Variants in RGS12 observed in about 807,000 individuals in gnomAD.
The protein encoded by RGS12 is regulator of G protein signaling 12, also known as regulator of G-protein signaling 12.
RGS12 carries 66 observed loss-of-function variants against 120.1 expected under a neutral mutation model. That is an observed-to-expected ratio of 0.55 (90% confidence interval 0.45 to 0.67). The LOEUF is 0.67. Among genes scored for constraint, RGS12 ranks in the 30% least tolerant of loss-of-function variants. The pLI is 0.00. For synonymous variants in RGS12, 827 were observed against 804.7 expected, an observed-to-expected ratio of 1.03 and a Z score of -0.47; for missense variants, 1,859 against 1,957.7, an observed-to-expected ratio of 0.95 and a Z score of 0.95.
chr4:3,421,094 C>T (rs1415741786), intron 10 of RGS12, among the ~76,000 whole-genome samples: 5 of 152,186 alleles, frequency 3.3e-5, no homozygotes, highest in East Asian at 1.9e-4. Context: ...TGTCTCAGCG[C>T]GTGAGCATCC....
chr4:3,391,029 G>T (rs1719438539), intron 4 of RGS12, among the ~76,000 whole-genome samples: 1 of 152,220 alleles, frequency 6.6e-6, no homozygotes, highest in African/African-American at 2.4e-5. Flanking sequence ...GAAAAACAGT[G>T]CAGCCTAATT....
In RGS12 at chr4:3,343,065, T is replaced by C. The variant is rs1443213754; in HGVS notation, c.1998+12T>C. 1 of 1,569,302 alleles carries C rather than the reference T, an allele frequency of 6.4e-7. No homozygotes were observed. The highest frequency in any genetic ancestry group is 1.7e-4 in the Middle Eastern group (1 of 5,890). ...TTGATGATCTTGAGGTAATTTAATT[T>C]TCATTTTTCTTCTTTTCTCCTTCAA... On this transcript the variant is annotated intron_variant, in intron 3 of 17. Coordinates refer to ENST00000336727, the MANE Select transcript of RGS12 (RefSeq NM_001394154.1).
chr4:3,351,762 C>T (rs1299108037), intron 3 of RGS12, among the ~76,000 whole-genome samples: 1 of 152,128 alleles, frequency 6.6e-6, no homozygotes, highest in Non-Finnish European at 1.5e-5. Context: ...CGAGAACGGA[C>T]CACAGTATAG....
chr4:3,423,046 G>A (rs771385764), intron 12 of RGS12, 68 bp downstream of exon 12: 10 of 1,329,804 alleles, frequency 7.5e-6, no homozygotes, highest in Non-Finnish European at 1.1e-5. Context: ...ACCACCTGCT[G>A]GTCTCTGCGC....
At chr4:3,344,739 C>T (rs1347590239) in intron 3 of RGS12, among the ~76,000 whole-genome samples, 1 of 152,228 alleles carries the variant, frequency 6.6e-6, no homozygotes, top group Non-Finnish European at 1.5e-5. Flanking sequence ...TCCACCAGGG[C>T]CCTGCTGCTT....
At chr4:3,346,990 AT>A (rs138348703) in intron 3 of RGS12, among the ~76,000 whole-genome samples, 85 of 148,232 alleles carry the variant, frequency 5.7e-4, no homozygotes, top group Admixed American at 7.4e-4. Context: ...GAGGGAACAG[AT>A]TTTTTTTTTT....
intron 3 of RGS12, among the ~76,000 whole-genome samples, chr4:3,359,843 G>A (rs1040757191): frequency 2.6e-5 from 4 of 151,948 alleles, no homozygotes; most frequent in East Asian, 1.9e-4. Flanking sequence ...GGCTGGTCTC[G>A]AACTCCTGAC....
At chr4:3,319,102 A>G (rs945925111) in intron 2 of RGS12, among the ~76,000 whole-genome samples, 5 of 152,024 alleles carry the variant, frequency 3.3e-5, no homozygotes, top group Admixed American at 6.5e-5. Flanking sequence ...AGTGTTTTCC[A>G]TGATGAAATG....
intron 2 of RGS12, among the ~76,000 whole-genome samples, chr4:3,336,440 C>A (rs1365875475): frequency 6.6e-6 from 1 of 152,266 alleles, no homozygotes; most frequent in African/African-American, 2.4e-5. Context: ...AAATCTGACT[C>A]CTCGTAAGTC....
At chr4:3,343,106 A>AG in intron 3 of RGS12, 53 bp downstream of exon 3, 1 of 1,357,648 alleles carries the variant, frequency 7.4e-7, no homozygotes, top group Non-Finnish European at 1.0e-6. Context: ...AAAAAATGCA[A>AG]GTCCACCTTG....
At chr4:3,328,068 A>G (rs570756936) in intron 2 of RGS12, among the ~76,000 whole-genome samples, 1 of 152,376 alleles carries the variant, frequency 6.6e-6, no homozygotes, top group South Asian at 2.1e-4. Context: ...CATCAAAAGA[A>G]TGAAATCTTG....
At chr4:3,386,131 T>C (rs1205136781) in intron 3 of RGS12, 2 of 473,602 alleles carry the variant, frequency 4.2e-6, no homozygotes, top group Non-Finnish European at 3.7e-6. Flanking sequence ...GAAGTTGGTT[T>C]CATTGACGCT....
chr4:3,428,893 A>G lies in RGS12; in HGVS notation c.3565+182A>G, dbSNP rs192712259. On this transcript the variant is annotated intron_variant, in intron 16 of 17. Transcript: ENST00000336727. Reference sequence around the variant, plus strand: ...GTTGGGATCACTCCACCGAAACCCCAGTTTTGAGACTGAGTGCCAGGCCTC... The same window carrying G: ...GTTGGGATCACTCCACCGAAACCCCGGTTTTGAGACTGAGTGCCAGGCCTC... Among the ~76,000 whole-genome samples the G allele has an allele frequency of 4.1e-3, 627 of 152,222 alleles. 3 individuals carry two copies. The highest frequency in any genetic ancestry group is 0.014 in the African/African-American group (589 of 41,518).
rs768871069 is a variant in RGS12 at position 3,430,659 on chromosome 4, C to T, written c.3818C>T (p.Thr1273Ile). 1 of 1,592,882 alleles carries T rather than the reference C, an allele frequency of 6.3e-7. No individual in the cohort carries two copies. The highest frequency in any genetic ancestry group is 8.6e-7 in the Non-Finnish European group (1 of 1,169,020). The change falls in exon 17 of 18, where the codon ACC becomes ATC. Residue 1273 changes from threonine (T) to isoleucine (I), a missense_variant. This residue lies in a region of RGS12 where 517 missense variants were observed against 488.5 expected (regional missense o/e 1.06). Transcript: ENST00000336727. ...PVQESSDSPS[T>I]SPGSASSPPG... ...CAGGAGAGCAGCGACAGCCCGTCCA[C>T]CAGCCCGGGCTCAGCCTCCAGCCCC...
At chr4:3,424,187 A>G (rs1723354588) in intron 13 of RGS12, among the ~76,000 whole-genome samples, 1 of 152,248 alleles carries the variant, frequency 6.6e-6, no homozygotes, top group Non-Finnish European at 1.5e-5. Flanking sequence ...GCCACGCGAG[A>G]TGGCGAGAGC....
intron 2 of RGS12, among the ~76,000 whole-genome samples, chr4:3,332,013 G>T (rs1003823369): frequency 6.6e-6 from 1 of 152,238 alleles, no homozygotes; most frequent in Non-Finnish European, 1.5e-5. Context: ...CTGTGGAGGG[G>T]CTGGGAAGCA....
intron 3 of RGS12, among the ~76,000 whole-genome samples, chr4:3,381,550 A>G (rs533984319): frequency 4.6e-5 from 7 of 152,354 alleles, no homozygotes; most frequent in African/African-American, 1.7e-4. Context: ...AAGGGAAAGC[A>G]AACACGTCCT....
chr4:3,404,944 G>T (rs1259776394), intron 4 of RGS12, among the ~76,000 whole-genome samples: 4 of 152,208 alleles, frequency 2.6e-5, no homozygotes, highest in Non-Finnish European at 4.4e-5. Flanking sequence ...CAGTGCTTAA[G>T]GCATGATGAG....
chr4:3,420,767 C>A, intron 10 of RGS12, 49 bp downstream of exon 10: 1 of 1,458,256 alleles, frequency 6.9e-7, no homozygotes, highest in South Asian at 1.1e-5. Flanking sequence ...GTGTCCCCAC[C>A]AGCTGACTGA....
Sources: gnomAD v4.1 joint callset for allele counts (sites outside exome capture counted in the v4.1 genomes callset) on GRCh38, gnomAD v4.1.1 for gene constraint, gnomAD v4.1.1 regional missense constraint, MANE v1.5 for transcripts, NCBI Gene and HGNC (gene_info 2026-07-23, HGNC 2026-07-21) for gene names.